Variants in PLXNA2 observed in about 807,000 individuals in gnomAD.
PLXNA2 encodes plexin A2, also known as plexin-A2.
PLXNA2 carries 91 observed loss-of-function variants against 193.5 expected under a neutral mutation model. The ratio of observed to expected loss-of-function variants is 0.47; its 90% CI spans 0.40 to 0.56. PLXNA2 has a LOEUF of 0.56. PLXNA2 is among the 20% of genes least tolerant of loss of function. The pLI is 0.00. For synonymous variants in PLXNA2, 997 were observed against 1,027.3 expected (o/e 0.97, Z 0.56); for missense variants, 1,995 against 2,503.2 (o/e 0.80, Z 4.33).
intron 4 of PLXNA2, among the ~76,000 whole-genome samples, chr1:208,113,590 C>T (rs1029665437): frequency 1.8e-4 from 22 of 124,222 alleles, no homozygotes; most frequent in Middle Eastern, 6.8e-3. Flanking sequence ...TGCTCTGTTG[C>T]CCAGCCTGGA....
intron 3 of PLXNA2, among the ~76,000 whole-genome samples, chr1:208,163,798 T>C (rs182870004): frequency 3.9e-5 from 6 of 152,300 alleles, no homozygotes; most frequent in Admixed American, 2.0e-4. Flanking sequence ...CTCCCAACCA[T>C]CCTTTGTTTT....
At position 208,045,959 on chromosome 1, in the gene PLXNA2, G is replaced by A; in HGVS notation, c.3414C>T (p.Ile1138=). Residue 1138 remains isoleucine (I), a synonymous_variant, in exon 18 of 32, where the codon ATC becomes ATT. Coordinates refer to ENST00000367033, the MANE Select transcript of PLXNA2 (RefSeq NM_025179.4). Reference sequence around the variant, plus strand: ...GTTCAAAGGTCGGGTTGGGGTAGTAGATAAACTTGGTGTCGTTGTAAATTA... The same window carrying A: ...GTTCAAAGGTCGGGTTGGGGTAGTAAATAAACTTGGTGTCGTTGTAAATTA... The part of the protein sequence containing the change: ...SLLIYNDTKF[I]YYPNPTFELL... 6.2e-7 allele frequency: 1 copy of A among 1,614,254 alleles called. No individual in the cohort carries two copies. The highest frequency in any genetic ancestry group is 8.5e-7 in the Non-Finnish European group (1 of 1,180,042).
intron 13 of PLXNA2, among the ~76,000 whole-genome samples, chr1:208,058,977 A>T (rs972627884): frequency 6.6e-6 from 1 of 152,124 alleles, no homozygotes; most frequent in Non-Finnish European, 1.5e-5. Flanking sequence ...GTTGCCCAGG[A>T]ATTTGCACTT....
In PLXNA2 at chr1:208,181,976, T is replaced by C. The variant is rs544426563; in HGVS notation, c.1371+28304A>G. On this transcript the variant is annotated intron_variant, in intron 3 of 31. Coordinates refer to ENST00000367033, the MANE Select transcript of PLXNA2 (RefSeq NM_025179.4). ...ATCTCATTTCAACTCCTCCCTGCTC[T>C]AGCTGCTATACAAACAAAGGCAAAT... Among the ~76,000 whole-genome samples, 16 of 152,318 alleles carry C rather than the reference T, an allele frequency of 1.1e-4. No individual in the cohort carries two copies. The South Asian group carries it at 3.3e-3, about 32-fold the overall frequency.
At chr1:208,126,776 T>G (rs1006225742) in intron 4 of PLXNA2, among the ~76,000 whole-genome samples, 4 of 152,056 alleles carry the variant, frequency 2.6e-5, no homozygotes, top group African/African-American at 4.8e-5. Context: ...CTATGGTATC[T>G]TCCTGCCTGC....
intron 12 of PLXNA2, among the ~76,000 whole-genome samples, chr1:208,074,042 A>C (rs993335886): frequency 6.6e-6 from 1 of 152,204 alleles, no homozygotes; most frequent in African/African-American, 2.4e-5. Context: ...AGCCCTAGGA[A>C]ACTGATACAC....
chr1:208,108,824 C>T (rs764755089), intron 4 of PLXNA2, among the ~76,000 whole-genome samples: 24 of 152,174 alleles, frequency 1.6e-4, no homozygotes, highest in Non-Finnish European at 3.1e-4. Context: ...CCAGGACCGT[C>T]GTGGCTCAGA....
At chr1:208,034,385 G>T in intron 27 of PLXNA2, 108 bp downstream of exon 27, 1 of 715,336 alleles carries the variant, frequency 1.4e-6, no homozygotes, top group Non-Finnish European at 2.5e-6. Context: ...CTGTGATTGG[G>T]CCAGCAGCAG....
At chr1:208,079,586 A>G in intron 11 of PLXNA2, 136 bp from the exon 12 acceptor site, 1 of 647,422 alleles carries the variant, frequency 1.5e-6, no homozygotes, top group Non-Finnish European at 2.6e-6. Flanking sequence ...TTATCATTGC[A>G]AGAATGACTG....
At chr1:208,085,235 T>C (rs1020373826) in intron 9 of PLXNA2, among the ~76,000 whole-genome samples, 1 of 152,216 alleles carries the variant, frequency 6.6e-6, no homozygotes, top group African/African-American at 2.4e-5. Flanking sequence ...GATTGATTTA[T>C]GGAGCTCCAT....
intron 11 of PLXNA2, among the ~76,000 whole-genome samples, chr1:208,081,609 C>T (rs1199915378): frequency 2.6e-5 from 4 of 152,184 alleles, no homozygotes; most frequent in South Asian, 2.1e-4. Context: ...CTATCTGACT[C>T]GTGGCCCATT....
chr1:208,244,304 TGGCGGCGGCGGCGGC>T lies in PLXNA2; in HGVS notation c.-757_-743del, dbSNP rs750500251. ...CTCCCGGCAGCTCTGGCTCCCGCGG[TGGCGGCGGCGGCGGC>T]GGCGGCGGCGGCGGCGGAGGAGCCC... On this transcript the variant is annotated 5_prime_UTR_variant, in exon 1 of 32. Coordinates refer to ENST00000367033, the MANE Select transcript of PLXNA2 (RefSeq NM_025179.4). 1.9e-4 allele frequency: 36 copies of T among 194,314 alleles called. No individual in the cohort carries two copies. The highest frequency in any genetic ancestry group is 7.6e-4 in the Admixed American group (12 of 15,746). The allele number at this position is 194,314 out of a possible 1,614,324, so 12.0% of individuals were successfully genotyped here.
chr1:208,199,971 T>G (rs1255132425), intron 3 of PLXNA2, among the ~76,000 whole-genome samples: 2 of 152,370 alleles, frequency 1.3e-5, no homozygotes, highest in East Asian at 1.9e-4. Context: ...TCTTGCTTGA[T>G]AGCGTCAATC....
Position 208,046,074 on chromosome 1 carries a change from G to A in PLXNA2, c.3299C>T (p.Pro1100Leu). ...AGGGCGGTAGTCCGTGGTCAGAGAG[G>A]GTGCCAGGCAGGTGAGGGTGGTTGT... ...VNTTTLTCLA[P>L]SLTTDYRPGL... Residue 1100 changes from proline (P) to leucine (L), a missense_variant, in exon 18 of 32, where the codon CCC becomes CTC. Pro to Leu is a moderately conservative substitution (Grantham distance 98, BLOSUM62 -3). This residue lies in a region of PLXNA2 where 1,291 missense variants were observed against 1,673.6 expected (regional missense o/e 0.77). Transcript: ENST00000367033. 6.2e-7 allele frequency: 1 copy of A among 1,614,246 alleles called. No homozygotes were observed. The highest frequency in any genetic ancestry group is 2.2e-5 in the East Asian group (1 of 44,880).
At chr1:208,138,179 T>C (rs554354354) in intron 4 of PLXNA2, among the ~76,000 whole-genome samples, 1 of 152,322 alleles carries the variant, frequency 6.6e-6, no homozygotes, top group East Asian at 1.9e-4. Context: ...TTTACAGTGG[T>C]GTGAAAGCAA....
intron 2 of PLXNA2, among the ~76,000 whole-genome samples, chr1:208,216,203 C>A (rs952390690): frequency 6.6e-6 from 1 of 152,188 alleles, no homozygotes; most frequent in African/African-American, 2.4e-5. Flanking sequence ...TGCACATTCT[C>A]CTCACCCTTT....
At chr1:208,137,400 T>A (rs1668336200) in intron 4 of PLXNA2, among the ~76,000 whole-genome samples, 1 of 152,254 alleles carries the variant, frequency 6.6e-6, no homozygotes. Context: ...GTGGCCAGCC[T>A]GACAAGTTGG....
rs142171652 is a variant in PLXNA2, at chr1:208,169,883, T to C, written c.1372-27420A>G. On this transcript the variant is annotated intron_variant, in intron 3 of 31. Transcript: ENST00000367033. ...GATTGGATGAACTCTAAAATCTGTA[T>C]TGACTATTAAGAAAAAGTTTCAAAG... Among the ~76,000 whole-genome samples the C allele has an allele frequency of 2.0e-5, 3 of 152,258 alleles. No individual in the cohort carries two copies. In the East Asian group the frequency reaches 5.8e-4, roughly 29 times the overall value.
chr1:208,183,009 C>T (rs1669892679), intron 3 of PLXNA2, among the ~76,000 whole-genome samples: 1 of 152,208 alleles, frequency 6.6e-6, no homozygotes, highest in African/African-American at 2.4e-5. Flanking sequence ...CCTGTTTACC[C>T]ACAGCGACTG....
Sources: allele counts gnomAD v4.1 joint callset (sites outside exome capture counted in the v4.1 genomes callset), GRCh38; gene constraint gnomAD v4.1.1; regional missense constraint gnomAD v4.1.1; transcripts MANE v1.5; gene names NCBI Gene and HGNC (gene_info 2026-07-23, HGNC 2026-07-21).